Variants in PPP2R2A observed in about 807,000 individuals in gnomAD.
The protein encoded by PPP2R2A is protein phosphatase 2 regulatory subunit Balpha.
Under a neutral mutation model 53.2 loss-of-function variants are expected in PPP2R2A, and 9 were observed. That is an observed-to-expected ratio of 0.17 (90% CI 0.10 to 0.30). The LOEUF (loss-of-function observed/expected upper bound fraction) is 0.30. Ranked by LOEUF, PPP2R2A falls within the 10% of genes least tolerant of loss-of-function variation. The probability of loss-of-function intolerance (pLI) is 1.00; values close to 1 mark genes in which losing one functional copy is unlikely to be tolerated. For synonymous variants in PPP2R2A, 169 were observed against 174.2 expected (o/e 0.97, Z 0.23); for missense variants, 235 against 534.6 (o/e 0.44, Z 5.53).
intron 2 of PPP2R2A, among the ~76,000 whole-genome samples, chr8:26,329,194 C>G (rs1803242127): frequency 6.6e-6 from 1 of 152,074 alleles, no homozygotes; most frequent in African/African-American, 2.4e-5. Context: ...TTGTTGTGGT[C>G]AGACAGTATG....
At chr8:26,313,901 G>A (rs941211279) in intron 2 of PPP2R2A, among the ~76,000 whole-genome samples, 2 of 152,178 alleles carry the variant, frequency 1.3e-5, no homozygotes, top group African/African-American at 4.8e-5. Flanking sequence ...AATTAATGGT[G>A]TTTTAAGCCA....
chr8:26,295,293 A>G (rs1801494962), intron 2 of PPP2R2A, among the ~76,000 whole-genome samples: 1 of 152,214 alleles, frequency 6.6e-6, no homozygotes, highest in East Asian at 1.9e-4. Flanking sequence ...GAAAGATCAC[A>G]TGGCTTTTAT....
chr8:26,334,753 A>AT (rs1460914224), intron 2 of PPP2R2A, among the ~76,000 whole-genome samples: 1 of 152,114 alleles, frequency 6.6e-6, no homozygotes, highest in African/African-American at 2.4e-5. Context: ...TCAAAAAAAA[A>AT]CAAAAAACAA....
chr8:26,338,036 T>G lies in PPP2R2A; in HGVS notation c.83-854T>G, dbSNP rs1803757828. Among the ~76,000 whole-genome samples, 1 of 152,264 alleles carries G rather than the reference T, an allele frequency of 6.6e-6. No homozygotes were observed. Among genetic ancestry groups the G allele is most frequent in the Admixed American group, 6.5e-5 (1 of 15,288 alleles). On this transcript the variant is annotated intron_variant, in intron 2 of 9. Coordinates refer to ENST00000380737, the MANE Select transcript of PPP2R2A (RefSeq NM_002717.4). The surrounding 1 kb of genome is among the most constrained non-coding windows in gnomAD (Gnocchi z 4.5). ...AGACCAGAGGATGTCTGTTCTTTTATAAAGCTGATTTATTTTAAATGCACA... is the reference window on the plus strand; with the variant it reads ...AGACCAGAGGATGTCTGTTCTTTTAGAAAGCTGATTTATTTTAAATGCACA...
At chr8:26,304,541 G>T (rs926720267) in intron 2 of PPP2R2A, among the ~76,000 whole-genome samples, 8 of 152,194 alleles carry the variant, frequency 5.3e-5, no homozygotes, top group African/African-American at 1.4e-4. Flanking sequence ...CTCATTGTAG[G>T]TCTGTCTGCT....
chr8:26,309,858 C>G (rs1802193880), intron 2 of PPP2R2A, among the ~76,000 whole-genome samples: 1 of 152,042 alleles, frequency 6.6e-6, no homozygotes, highest in African/African-American at 2.4e-5. Context: ...CATTCCAAAA[C>G]AATTACAATA....
chr8:26,325,751 TATATTG>T (rs377550935), intron 2 of PPP2R2A, among the ~76,000 whole-genome samples: 348 of 152,310 alleles, frequency 2.3e-3, no homozygotes, highest in African/African-American at 7.8e-3. Flanking sequence ...GTTAAATGGG[TATATTG>T]ATACAGCCAA....
intron 3 of PPP2R2A, chr8:26,350,572 T>C (rs1282497185): frequency 2.6e-5 from 4 of 152,114 alleles, no homozygotes; most frequent in Non-Finnish European, 5.9e-5. Context: ...GACTAATTTT[T>C]TTTTTCTCTC....
At chr8:26,369,548 G>A (rs990080888) in intron 9 of PPP2R2A, among the ~76,000 whole-genome samples, 3 of 152,052 alleles carry the variant, frequency 2.0e-5, no homozygotes, top group East Asian at 1.9e-4. Context: ...CTGCCACCAC[G>A]CCAGGCTAAT....
chr8:26,333,436 A>G (rs1803481925), intron 2 of PPP2R2A: 1 of 841,356 alleles, frequency 1.2e-6, no homozygotes, highest in African/African-American at 1.7e-5. Flanking sequence ...TAAAAATTAT[A>G]TAGGTAATAC....
intron 2 of PPP2R2A, among the ~76,000 whole-genome samples, chr8:26,322,674 C>CTGTA (rs1200880565): frequency 6.6e-6 from 1 of 152,100 alleles, no homozygotes; most frequent in East Asian, 1.9e-4. Flanking sequence ...TTGTTTAACT[C>CTGTA]TGTATCCTGT....
chr8:26,311,365 A>C (rs1285880004), intron 2 of PPP2R2A, among the ~76,000 whole-genome samples: 1 of 152,198 alleles, frequency 6.6e-6, no homozygotes, highest in Non-Finnish European at 1.5e-5. Context: ...ACTTCCAATA[A>C]ATATACGTTA....
intron 3 of PPP2R2A, 39 bp downstream of exon 3, chr8:26,339,026 T>C: frequency 1.4e-6 from 2 of 1,443,512 alleles, no homozygotes; most frequent in Non-Finnish European, 1.9e-6. Context: ...TTCAGTTTGA[T>C]CTTAGGACTA....
intron 2 of PPP2R2A, among the ~76,000 whole-genome samples, chr8:26,324,048 G>T (rs190012154): frequency 1.7e-3 from 252 of 152,326 alleles, no homozygotes; most frequent in Non-Finnish European, 2.9e-3. Context: ...GCCACCATTT[G>T]TCTTACAGAG....
intron 3 of PPP2R2A, among the ~76,000 whole-genome samples, chr8:26,346,117 G>GTTA (rs71551870): frequency 0.18 from 25,473 of 144,238 alleles, 2,497 homozygotes; most frequent in East Asian, 0.4. Flanking sequence ...TACCAGTCGG[G>GTTA]TTATTATTAT....
chr8:26,370,104 T>C lies in PPP2R2A; in HGVS notation c.1065-30T>C, dbSNP rs1308836448. ...TGAAAACAATTTCTTGTTCTGCTTG[T>C]TTGACTGAGTGTACTGTCTATTTTC... is the stretch of plus-strand genomic sequence containing the variant. On this transcript the variant is annotated intron_variant, in intron 9 of 9. Coordinates refer to ENST00000380737, the MANE Select transcript of PPP2R2A (RefSeq NM_002717.4). The surrounding 1 kb of genome is among the most constrained non-coding windows in gnomAD (Gnocchi z 6.1). 6.3e-7 allele frequency: 1 copy of C among 1,587,344 alleles called. No individual in the cohort carries two copies. The highest frequency in any genetic ancestry group is 1.1e-5 in the South Asian group (1 of 88,458).
At chr8:26,320,242 T>G (rs1192709335) in intron 2 of PPP2R2A, among the ~76,000 whole-genome samples, 1 of 152,190 alleles carries the variant, frequency 6.6e-6, no homozygotes, top group Non-Finnish European at 1.5e-5. Context: ...TGAGTATTCA[T>G]CAGCAGAAGA....
At chr8:26,314,883 T>C (rs866317319) in intron 2 of PPP2R2A, among the ~76,000 whole-genome samples, 3 of 95,772 alleles carry the variant, frequency 3.1e-5, no homozygotes, top group African/African-American at 4.4e-5. Context: ...TCTTTTTTTT[T>C]CCCTTCCCCC....
chr8:26,341,970 C>A (rs1260131389), intron 3 of PPP2R2A, among the ~76,000 whole-genome samples: 2 of 152,186 alleles, frequency 1.3e-5, no homozygotes, highest in Non-Finnish European at 2.9e-5. Flanking sequence ...TGTCCTCTTG[C>A]TGCCTGTCCG....
Sources: gnomAD v4.1 joint callset for allele counts (sites outside exome capture counted in the v4.1 genomes callset) on GRCh38, gnomAD v4.1.1 for gene constraint, Gnocchi (gnomAD v3.1) non-coding constraint, MANE v1.5 for transcripts, NCBI Gene and HGNC (gene_info 2026-07-23, HGNC 2026-07-21) for gene names.